The following COL4A4 variants were observed in gnomAD, a reference collection of about 807,000 sequenced individuals.
COL4A4 encodes collagen type IV alpha 4 chain, also known as collagen alpha-4(IV) chain.
COL4A4 carries 105 observed loss-of-function variants against 192.9 expected under a neutral mutation model. The observed-to-expected ratio is 0.54, with a 90% CI of 0.46 to 0.64. COL4A4 has a LOEUF of 0.64. COL4A4 is among the 30% of genes least tolerant of loss of function. COL4A4 has a pLI of 0.00. For synonymous variants in COL4A4, 762 were observed against 769.9 expected (o/e 0.99, Z 0.17); for missense variants, 1,967 against 2,169.3 (o/e 0.91, Z 1.85).
In COL4A4 at chr2:227,119,936, G is replaced by A. The variant is rs753687104; in HGVS notation, c.331C>T (p.Pro111Ser). Reference protein sequence around the residue: ...GAAGDKGDKGPTGVPGFPGLD... With the variant: ...GAAGDKGDKGSTGVPGFPGLD... The stretch of plus-strand genomic sequence containing the variant: ...CCTGGAAATCCAGGAACACCAGTTG[G>A]ACCCTAAAATCCCAGAAAATAAAAC... Residue 111 changes from proline (P) to serine (S), a missense_variant, in exon 6 of 48, where the codon CCA becomes TCA. Physicochemically the swap from Pro to Ser is moderately conservative, Grantham distance 74. Transcript: ENST00000396625. 6.3e-7 allele frequency: 1 copy of A among 1,578,348 alleles called. No individual in the cohort carries two copies. The highest frequency in any genetic ancestry group is 8.6e-7 in the Non-Finnish European group (1 of 1,160,808).
chr2:227,027,962 G>T lies in COL4A4; in HGVS notation c.4021C>A (p.Pro1341Thr), dbSNP rs539867676. Residue 1341 changes from proline (P) to threonine (T), a missense_variant, in exon 42 of 48, where the codon CCA becomes ACA. Pro to Thr is a conservative substitution (Grantham distance 38, BLOSUM62 -1). Transcript: ENST00000396625. ...CCAGGTAAACCCTTCTCTCCAGGTG[G>T]CCCAGGAAATCCATGTGGTCCCTGC... is the stretch of plus-strand genomic sequence containing the variant. Reference protein sequence around the residue: ...GPQGPHGFPGPPGEKGLPGPP... With the variant: ...GPQGPHGFPGTPGEKGLPGPP... 1.9e-6 allele frequency: 3 copies of T among 1,613,716 alleles called. No individual in the cohort carries two copies. The East Asian group carries it at 6.7e-5, about 36-fold the overall frequency.
At chr2:226,984,987 G>T in the COL4A4 span, among the ~76,000 whole-genome samples, 6 of 151,916 alleles carry the variant, frequency 3.9e-5, no homozygotes, top group Non-Finnish European at 8.8e-5. Context: ...AGTACAAGTG[G>T]GGGGTTTGAG....
intron 44 of COL4A4, among the ~76,000 whole-genome samples, chr2:227,014,411 ACT>A (rs1430275903): frequency 1.3e-5 from 2 of 151,610 alleles, no homozygotes; most frequent in African/African-American, 4.9e-5. Flanking sequence ...TAACTTTAAA[ACT>A]CTTTCCGGTG....
At chr2:226,992,043 A>G in the COL4A4 span, among the ~76,000 whole-genome samples, 5 of 152,254 alleles carry the variant, frequency 3.3e-5, no homozygotes, top group Non-Finnish European at 7.3e-5. Flanking sequence ...ATGTGAGTAC[A>G]TATCAGAAAC....
intron 46 of COL4A4, among the ~76,000 whole-genome samples, chr2:227,009,904 A>G (rs909678168): frequency 2.0e-5 from 3 of 152,182 alleles, no homozygotes; most frequent in Non-Finnish European, 4.4e-5. Flanking sequence ...CCGTAACACA[A>G]CCATCAGCGT....
chr2:227,077,089 C>T (rs1006509837), intron 25 of COL4A4, among the ~76,000 whole-genome samples: 3 of 152,066 alleles, frequency 2.0e-5, no homozygotes, highest in Non-Finnish European at 4.4e-5. Flanking sequence ...GGTGATTCCT[C>T]AAGGATCTAG....
intron 18 of COL4A4, 122 bp downstream of exon 18, chr2:227,099,498 A>G (rs1295390393): frequency 1.2e-6 from 1 of 820,218 alleles, no homozygotes; most frequent in African/African-American, 1.7e-5. Context: ...CTCATGCTAC[A>G]GTTCGTGCAT....
chr2:227,094,750 T>C (rs2060121186), intron 19 of COL4A4, among the ~76,000 whole-genome samples: 2 of 152,214 alleles, frequency 1.3e-5, no homozygotes, highest in African/African-American at 4.8e-5. Flanking sequence ...GACAAATAGG[T>C]TAATTAGCTG....
the COL4A4 span, among the ~76,000 whole-genome samples, chr2:226,971,960 A>C: frequency 6.6e-6 from 1 of 151,438 alleles, no homozygotes; most frequent in Non-Finnish European, 1.5e-5. Context: ...TGTGCAGAAC[A>C]TGTAGGTTTG....
At chr2:227,038,429 T>C (rs533490128) in intron 37 of COL4A4, among the ~76,000 whole-genome samples, 13 of 152,178 alleles carry the variant, frequency 8.5e-5, no homozygotes, top group Non-Finnish European at 1.9e-4. Flanking sequence ...GGTCAAGATA[T>C]CTGTTTTGGT....
At chr2:227,047,390 C>G in intron 35 of COL4A4, 85 bp downstream of exon 35, 2 of 959,292 alleles carry the variant, frequency 2.1e-6, no homozygotes, top group Non-Finnish European at 3.3e-6. Flanking sequence ...AATATTGATA[C>G]GATCATTGCC....
chr2:227,078,137 G>C, intron 24 of COL4A4, 60 bp from the exon 25 acceptor site: 1 of 1,560,230 alleles, frequency 6.4e-7, no homozygotes. Context: ...ACTCAAAGCA[G>C]TCATTGTAGG....
rs1392411657 is a variant in COL4A4 at position 227,003,061 on chromosome 2, A to AACTT, written c.*4260_*4263dup. On this transcript the variant is annotated 3_prime_UTR_variant, in exon 48 of 48. Transcript: ENST00000396625. ...AATGTCAATTGTTTGTTCCCTGCAG[A>AACTT]ACTTACTGATAATGTCCCTGCAGGA... is the stretch of plus-strand genomic sequence containing the variant. 4.6e-5 allele frequency: 7 copies of AACTT among 152,688 alleles called. No homozygotes were observed. The highest frequency in any genetic ancestry group is 1.4e-4 in the African/African-American group (6 of 41,574). 9.5% of individuals were successfully genotyped at this position (152,688 alleles called of 1,614,324 possible). A position where few individuals can be genotyped will look rare whatever the true frequency, so the allele number is the denominator to read the frequency against.
rs1427467389 is a variant in COL4A4 at position 227,003,819 on chromosome 2, T to G, written c.*3506A>C. 2.0e-5 allele frequency: 3 copies of G among 152,194 alleles called. No homozygotes were observed. Among genetic ancestry groups the G allele is most frequent in the Middle Eastern group, 3.2e-3 (1 of 316 alleles). The allele number at this position is 152,194 out of a possible 1,614,324, so 9.4% of individuals were successfully genotyped here. On this transcript the variant is annotated 3_prime_UTR_variant, in exon 48 of 48. Coordinates refer to ENST00000396625, the MANE Select transcript of COL4A4 (RefSeq NM_000092.5). Reference sequence around the variant, plus strand: ...ATCTCTCAAATCTCATTTCTGAAATTTCTGTTTATAGAAAAAACAAAAATC... The same window carrying G: ...ATCTCTCAAATCTCATTTCTGAAATGTCTGTTTATAGAAAAAACAAAAATC...
chr2:227,043,258 A>G (rs1971815586), intron 35 of COL4A4, 74 bp from the exon 36 acceptor site: 2 of 1,220,660 alleles, frequency 1.6e-6, no homozygotes, highest in Non-Finnish European at 2.4e-6. Flanking sequence ...AGTTCAGCCC[A>G]CCCTATTCTT....
rs1351571404 is a variant in COL4A4 at position 227,059,530 on chromosome 2, T to C, written c.2258A>G (p.Asn753Ser). The C allele has an allele frequency of 6.2e-7, 1 of 1,614,094 alleles. No homozygotes were observed. The highest frequency in any genetic ancestry group is 8.5e-7 in the Non-Finnish European group (1 of 1,179,992). ...GTCTCCCGGGATTCCTTTCTGACCA[T>C]TCACTCCTGGTGAGCCGGGAGGGCC... Reference protein sequence around the residue: ...PPGPPGSPGVNGQKGIPGDPA... With the variant: ...PPGPPGSPGVSGQKGIPGDPA... The change falls in exon 28 of 48, where the codon AAT becomes AGT. Residue 753 changes from asparagine to serine, a missense_variant. By Grantham distance (46) the Asn-to-Ser change is conservative. Transcript: ENST00000396625.
chr2:227,115,271 T>C (rs1447054674), intron 7 of COL4A4, among the ~76,000 whole-genome samples: 1 of 111,152 alleles, frequency 9.0e-6, no homozygotes, highest in Non-Finnish European at 1.8e-5. Flanking sequence ...CTTTAATTCT[T>C]TTTTTTTTTT....
At chr2:227,000,203 T>C (rs1477076213), downstream of COL4A4, among the ~76,000 whole-genome samples, 1 of 152,196 alleles carries the variant, frequency 6.6e-6, no homozygotes, top group Admixed American at 6.5e-5. Context: ...CTCTCTGCTC[T>C]TCAGGGTGTG....
intron 25 of COL4A4, among the ~76,000 whole-genome samples, chr2:227,073,022 C>T (rs937329708): frequency 1.1e-4 from 16 of 152,012 alleles, no homozygotes; most frequent in African/African-American, 3.9e-4. Flanking sequence ...TCCTATTCAA[C>T]ATAGTTCTGG....
Sources: gnomAD v4.1 joint callset for allele counts (sites outside exome capture counted in the v4.1 genomes callset) on GRCh38, gnomAD v4.1.1 for gene constraint, MANE v1.5 for transcripts, NCBI Gene and HGNC (gene_info 2026-07-23, HGNC 2026-07-21) for gene names.